Variants in TRIM5 observed in about 807,000 individuals in gnomAD.
TRIM5 encodes tripartite motif-containing protein 5.
Under a neutral mutation model 35.6 loss-of-function variants are expected in TRIM5, and 31 were observed. The ratio of observed to expected loss-of-function variants is 0.87; its 90% confidence interval spans 0.65 to 1.18. TRIM5 has a LOEUF of 1.18. TRIM5 is among the 50% of genes most tolerant of loss of function. The pLI is 0.00. For missense variants in TRIM5, 609 were observed against 591.6 expected, an observed-to-expected ratio of 1.03 and a Z score of -0.31; for synonymous variants, 243 against 215.6, an observed-to-expected ratio of 1.13 and a Z score of -1.11.
the TRIM5 span, among the ~76,000 whole-genome samples, chr11:5,606,315 G>A: frequency 2.6e-5 from 4 of 151,798 alleles, no homozygotes; most frequent in Non-Finnish European, 5.9e-5. Context: ...AAGGTATCAA[G>A]CCTAGAGAGA....
chr11:5,661,307 A>T (rs1210886754), downstream of TRIM5, among the ~76,000 whole-genome samples: 2 of 151,938 alleles, frequency 1.3e-5, no homozygotes, highest in African/African-American at 2.4e-5. Context: ...CCTCCAACAC[A>T]TCATATAAAC....
chr11:5,596,696 C>T, the TRIM5 span: 6 of 759,812 alleles, frequency 7.9e-6, no homozygotes, highest in South Asian at 5.1e-5. Flanking sequence ...GTCCGTTCAA[C>T]GGCCAAAGGC....
chr11:5,642,198 T>C, the TRIM5 span, among the ~76,000 whole-genome samples: 8 of 152,278 alleles, frequency 5.3e-5, no homozygotes, highest in African/African-American at 1.9e-4. Flanking sequence ...ATGAAGACCT[T>C]CTCAAGGTCA....
At chr11:5,609,806 C>T in the TRIM5 span, among the ~76,000 whole-genome samples, 2 of 152,122 alleles carry the variant, frequency 1.3e-5, no homozygotes, top group Non-Finnish European at 2.9e-5. Flanking sequence ...GCCTGTAGTC[C>T]CAGCTACTCA....
intron 1 of TRIM5, among the ~76,000 whole-genome samples, chr11:5,681,632 G>A (rs1318954425): frequency 1.3e-5 from 2 of 152,086 alleles, no homozygotes; most frequent in African/African-American, 2.4e-5. Flanking sequence ...AGGCCTGGGA[G>A]TTCCTTCAGA....
At chr11:5,604,868 G>A in the TRIM5 span, 678 of 472,948 alleles carry the variant, frequency 1.4e-3, 6 homozygotes, top group African/African-American at 0.011. Context: ...GCTAGGGGTC[G>A]CCCCAATTCA....
chr11:5,633,797 C>T, the TRIM5 span: 1 of 1,612,724 alleles, frequency 6.2e-7, no homozygotes, highest in Non-Finnish European at 8.5e-7. Flanking sequence ...TGATTCCCTT[C>T]TCATAGGAGA....
chr11:5,641,088 TCCTAC>T, the TRIM5 span: 1 of 1,491,782 alleles, frequency 6.7e-7, no homozygotes, highest in Non-Finnish European at 9.0e-7. Context: ...CCATTTTTTT[TCCTAC>T]TGTTCTTCTT....
chr11:5,642,937 T>G, the TRIM5 span: 1 of 1,530,804 alleles, frequency 6.5e-7, no homozygotes, highest in East Asian at 2.3e-5. Flanking sequence ...CCTCATGCAT[T>G]CTCAGCACCT....
At chr11:5,649,028 A>G in the TRIM5 span, among the ~76,000 whole-genome samples, 1 of 152,218 alleles carries the variant, frequency 6.6e-6, no homozygotes, top group African/African-American at 2.4e-5. Flanking sequence ...TTCATTTTAG[A>G]TATAAACTGT....
At chr11:5,594,651 C>T in the TRIM5 span, among the ~76,000 whole-genome samples, 1 of 152,032 alleles carries the variant, frequency 6.6e-6, no homozygotes. Flanking sequence ...GAAATGAAGC[C>T]CTATGCTGAC....
chr11:5,672,054 G>T (rs557743268), intron 4 of TRIM5, among the ~76,000 whole-genome samples: 29 of 152,236 alleles, frequency 1.9e-4, no homozygotes, highest in African/African-American at 6.5e-4. Flanking sequence ...ATAGATGAGA[G>T]AAAAGACTGG....
chr11:5,656,399 A>C, the TRIM5 span, among the ~76,000 whole-genome samples: 2 of 149,670 alleles, frequency 1.3e-5, no homozygotes, highest in South Asian at 4.2e-4. Flanking sequence ...TGTTGCCCAC[A>C]CCAGAGTGCA....
the TRIM5 span, among the ~76,000 whole-genome samples, chr11:5,618,496 G>T: frequency 6.6e-6 from 1 of 152,130 alleles, no homozygotes; most frequent in African/African-American, 2.4e-5. Context: ...TAAACTTGGG[G>T]TCTAGCTTAC....
chr11:5,642,854 G>A, the TRIM5 span: 1 of 1,613,760 alleles, frequency 6.2e-7, no homozygotes, highest in African/African-American at 1.3e-5. Context: ...GTAAGAAAAA[G>A]TTAGTCTTTA....
At chr11:5,608,193 G>T in the TRIM5 span, among the ~76,000 whole-genome samples, 1 of 152,156 alleles carries the variant, frequency 6.6e-6, no homozygotes, top group African/African-American at 2.4e-5. Context: ...GTTATTTTTT[G>T]ATGTCTTCAC....
the TRIM5 span, among the ~76,000 whole-genome samples, chr11:5,601,957 A>G: frequency 2.6e-5 from 4 of 152,160 alleles, no homozygotes; most frequent in Admixed American, 1.3e-4. Context: ...GCTCATGGAA[A>G]GGTCACAGAT....
At chr11:5,645,907 A>AGATATATATATATATATC in the TRIM5 span, 1 of 142,346 alleles carries the variant, frequency 7.0e-6, no homozygotes, top group African/African-American at 3.2e-5. Flanking sequence ...CTATATATAG[A>AGATATATATATATATATC]TATATATAGA....
the TRIM5 span, among the ~76,000 whole-genome samples, chr11:5,656,723 C>G: frequency 6.6e-6 from 1 of 152,138 alleles, no homozygotes; most frequent in Non-Finnish European, 1.5e-5. Flanking sequence ...CCCATCATCA[C>G]TGGTTACTAG....
Sources: gnomAD v4.1 joint callset for allele counts (sites outside exome capture counted in the v4.1 genomes callset) on GRCh38, gnomAD v4.1.1 for gene constraint, MANE v1.5 for transcripts, NCBI Gene and HGNC (gene_info 2026-07-23, HGNC 2026-07-21) for gene names.